The following KCNK3 variants were observed in gnomAD, a reference collection of about 807,000 sequenced individuals.
KCNK3 encodes the protein potassium channel subfamily K member 3.
Under a neutral mutation model 27.3 loss-of-function variants are expected in KCNK3, and 9 were observed. The observed-to-expected ratio is 0.33, with a 90% CI of 0.20 to 0.57. KCNK3 has a LOEUF of 0.57. Among genes scored for constraint, KCNK3 ranks in the 20% least tolerant of loss-of-function variants. The probability of loss-of-function intolerance (pLI) is 0.87; values close to 1 mark genes in which losing one functional copy is unlikely to be tolerated. For synonymous variants in KCNK3, 278 were observed against 273.8 expected, an observed-to-expected ratio of 1.02 and a Z score of -0.15; for missense variants, 391 against 577.7, an observed-to-expected ratio of 0.68 and a Z score of 3.31.
In KCNK3 at chr2:26,727,883, G is replaced by A; in HGVS notation, c.500G>A (p.Cys167Tyr). 6.2e-7 allele frequency: 1 copy of A among 1,614,202 alleles called. No individual in the cohort carries two copies. Among genetic ancestry groups the A allele is most frequent in the Non-Finnish European group, 8.5e-7 (1 of 1,180,032 alleles). ...ANMVLIGFFS[C>Y]ISTLCIGAAA... ...ATGGTGCTCATCGGCTTCTTCTCGT[G>A]CATCAGCACGCTGTGCATCGGCGCC... The change falls in exon 2 of 2, where the codon TGC (cysteine) becomes TAC (tyrosine). Residue 167 changes from cysteine to tyrosine, a missense_variant. By Grantham distance (194) the Cys-to-Tyr change is radical. Transcript: ENST00000302909.
chr2:26,700,030 TGCTCAGTTGTGG>T (rs1237735882), intron 1 of KCNK3, among the ~76,000 whole-genome samples: 3 of 152,124 alleles, frequency 2.0e-5, no homozygotes, highest in African/African-American at 7.2e-5. Context: ...CTATGCAGGG[TGCTCAGTTGTGG>T]GCTCAGCTTC....
Position 26,720,172 on chromosome 2 carries a change from T to C in KCNK3, c.284-7495T>C, listed in dbSNP as rs183129160. Among the ~76,000 whole-genome samples the C allele has an allele frequency of 1.8e-3, 270 of 152,304 alleles. 1 individual carries two copies. The highest frequency in any genetic ancestry group is 6.2e-3 in the African/African-American group (258 of 41,566). On this transcript the variant is annotated intron_variant, in intron 1 of 1. Coordinates refer to ENST00000302909, the MANE Select transcript of KCNK3 (RefSeq NM_002246.3). ...CGGGAGGCTGAGGCAGAAGAATCAC[T>C]TGAACCCAGGAGGTGGAGGTTGCAG...
Position 26,693,202 on chromosome 2 carries a change from C to G in KCNK3, c.283+44C>G. On this transcript the variant is annotated intron_variant, in intron 1 of 1. Transcript: ENST00000302909. The surrounding 1 kb of genome is among the most constrained non-coding windows in gnomAD (Gnocchi z 5.5). ...GGGGGCGGGAACCCAGGGCTGGGCG[C>G]GGGGCTCCGGGAGTCGTCCGGGGCC... 1 of 765,072 alleles carries G rather than the reference C, an allele frequency of 1.3e-6. No homozygotes were observed. Among genetic ancestry groups the G allele is most frequent in the South Asian group, 3.2e-5 (1 of 31,704 alleles). 47.4% of individuals were successfully genotyped at this position (765,072 alleles called of 1,614,324 possible).
At chr2:26,719,670 T>C (rs569033449) in intron 1 of KCNK3, among the ~76,000 whole-genome samples, 8 of 152,298 alleles carry the variant, frequency 5.3e-5, no homozygotes, top group African/African-American at 1.9e-4. Context: ...CAATCCCAGA[T>C]GGAAAGTGTT....
chr2:26,727,229 C>T (rs1572615735), intron 1 of KCNK3, among the ~76,000 whole-genome samples: 1 of 152,290 alleles, frequency 6.6e-6, no homozygotes, highest in South Asian at 2.1e-4. Flanking sequence ...AGGACAAGGA[C>T]CACGCCCGCA....
In KCNK3 at chr2:26,692,842, G is replaced by T; in HGVS notation, c.-34G>T. ...GCCGGGGCCGAGGCGCGGGCCGGGG[G>T]CGCCGGGGGGCCGGCGGCGGCCCGG... On this transcript the variant is annotated 5_prime_UTR_variant, in exon 1 of 2. Transcript: ENST00000302909. The surrounding 1 kb of genome is among the most constrained non-coding windows in gnomAD (Gnocchi z 5.6). The T allele has an allele frequency of 4.3e-6, 5 of 1,172,552 alleles. No individual in the cohort carries two copies. Among genetic ancestry groups the T allele is most frequent in the Non-Finnish European group, 5.3e-6 (5 of 947,942 alleles). 72.6% of individuals were successfully genotyped at this position (1,172,552 alleles called of 1,614,324 possible).
intron 1 of KCNK3, among the ~76,000 whole-genome samples, chr2:26,719,164 C>G (rs1430511747): frequency 6.6e-6 from 1 of 152,162 alleles, no homozygotes; most frequent in East Asian, 1.9e-4. Flanking sequence ...GTTCATAAAT[C>G]TTTGTTCTGA....
intron 1 of KCNK3, among the ~76,000 whole-genome samples, chr2:26,726,104 CACAGAGAGAGAGAG>C (rs1395957160): frequency 1.6e-4 from 13 of 80,528 alleles, no homozygotes; most frequent in African/African-American, 8.1e-4. Context: ...CACACACACA[CACAGAGAGAGAGAG>C]AGAGAGAGAG....
chr2:26,720,731 G>A (rs536471761), intron 1 of KCNK3, among the ~76,000 whole-genome samples: 1 of 152,296 alleles, frequency 6.6e-6, no homozygotes, highest in South Asian at 2.1e-4. Context: ...GGGGGGAAGA[G>A]CTGGGAGAGG....
In KCNK3 at chr2:26,693,278, C is replaced by T; in HGVS notation, c.283+120C>T. The T allele has an allele frequency of 5.9e-6, 6 of 1,019,978 alleles. No individual in the cohort carries two copies. In the South Asian group the frequency reaches 1.2e-4, roughly 20 times the overall value. The allele number at this position is 1,019,978 out of a possible 1,614,324, so 63.2% of individuals were successfully genotyped here. ...CCCGAGAGGGGCTGGGCGCCGAACC[C>T]TGCGCTCGCAGAAACCCGAGTTCAG... is the stretch of plus-strand genomic sequence containing the variant. On this transcript the variant is annotated intron_variant, in intron 1 of 1. Coordinates refer to ENST00000302909, the MANE Select transcript of KCNK3 (RefSeq NM_002246.3). This position sits in a 1 kb window ranked among gnomAD's most constrained non-coding sequence, Gnocchi z 5.5.
At chr2:26,714,661 G>A (rs1029851570) in intron 1 of KCNK3, among the ~76,000 whole-genome samples, 1 of 151,332 alleles carries the variant, frequency 6.6e-6, no homozygotes, top group Non-Finnish European at 1.5e-5. Flanking sequence ...CAAGGTGGGC[G>A]GATCACTTGA....
chr2:26,693,219 T>C lies in KCNK3; in HGVS notation c.283+61T>C, dbSNP rs1572598921. On this transcript the variant is annotated intron_variant, in intron 1 of 1. Transcript: ENST00000302909. This position sits in a 1 kb window ranked among gnomAD's most constrained non-coding sequence, Gnocchi z 5.5. ...GCTGGGCGCGGGGCTCCGGGAGTCG[T>C]CCGGGGCCGGCTGGGGCTGGGGGCG... 30 of 308,514 alleles carry C rather than the reference T, an allele frequency of 9.7e-5. No individual in the cohort carries two copies. Among genetic ancestry groups the C allele is most frequent in the Non-Finnish European group, 1.4e-4 (25 of 178,946 alleles). The allele number at this position is 308,514 out of a possible 1,614,324, so 19.1% of individuals were successfully genotyped here. A position where few individuals can be genotyped will look rare whatever the true frequency, so the allele number is the denominator to read the frequency against.
chr2:26,720,378 C>G (rs766369181), intron 1 of KCNK3, among the ~76,000 whole-genome samples: 3 of 152,216 alleles, frequency 2.0e-5, no homozygotes, highest in African/African-American at 7.2e-5. Flanking sequence ...CCTCTGAGGG[C>G]CTCTGCACAA....
Position 26,724,997 on chromosome 2 carries a change from C to G in KCNK3, c.284-2670C>G, listed in dbSNP as rs540421874. On this transcript the variant is annotated intron_variant, in intron 1 of 1. Transcript: ENST00000302909. ...GGAAGGGATGTGTGGCTCCTTGAAG[C>G]TGGGCGCTTTGTGAGCACAGTCACA... Among the ~76,000 whole-genome samples the G allele has an allele frequency of 3.3e-5, 5 of 152,206 alleles. No individual in the cohort carries two copies. In the East Asian group the frequency reaches 9.7e-4, roughly 29 times the overall value.
At chr2:26,699,715 G>A (rs1362271210) in intron 1 of KCNK3, among the ~76,000 whole-genome samples, 1 of 152,162 alleles carries the variant, frequency 6.6e-6, no homozygotes, top group Non-Finnish European at 1.5e-5. Flanking sequence ...CTCCACCTTG[G>A]ACACAGGGAA....
chr2:26,698,775 C>T (rs558231188), intron 1 of KCNK3, among the ~76,000 whole-genome samples: 4 of 152,084 alleles, frequency 2.6e-5, no homozygotes, highest in Non-Finnish European at 5.9e-5. Flanking sequence ...CCTAACTGTC[C>T]AGGCTCCTGC....
chr2:26,719,434 C>T (rs527631313), intron 1 of KCNK3, among the ~76,000 whole-genome samples: 1 of 152,308 alleles, frequency 6.6e-6, no homozygotes, highest in South Asian at 2.1e-4. Flanking sequence ...CATTTCCTAT[C>T]CACCCTTCAG....
intron 1 of KCNK3, among the ~76,000 whole-genome samples, chr2:26,708,633 C>A (rs549028027): frequency 6.6e-6 from 1 of 152,150 alleles, no homozygotes; most frequent in Non-Finnish European, 1.5e-5. Context: ...GAGCCGAGAT[C>A]GCGCTATTGT....
chr2:26,718,616 C>CTT (rs56355301), intron 1 of KCNK3, among the ~76,000 whole-genome samples: 7 of 149,996 alleles, frequency 4.7e-5, no homozygotes, highest in Admixed American at 6.6e-5. Flanking sequence ...TGTGAATACA[C>CTT]TTTTTTTTTT....
Sources: allele counts gnomAD v4.1 joint callset (sites outside exome capture counted in the v4.1 genomes callset), GRCh38; gene constraint gnomAD v4.1.1; non-coding constraint Gnocchi (gnomAD v3.1); transcripts MANE v1.5; gene names NCBI Gene and HGNC (gene_info 2026-07-23, HGNC 2026-07-21).